The following TACC1 variants were observed in gnomAD, a reference collection of about 807,000 sequenced individuals.
TACC1 encodes the protein transforming acidic coiled-coil containing protein 1, also known as transforming acidic coiled-coil-containing protein 1.
In TACC1, 48 loss-of-function variants were observed where a neutral mutation model predicts 84.4. The observed-to-expected ratio is 0.57, with a 90% CI of 0.45 to 0.72. The LOEUF is 0.72. TACC1 is among the 30% of genes least tolerant of loss of function. The probability of loss-of-function intolerance (pLI) is 0.00; values close to 1 mark genes in which losing one functional copy is unlikely to be tolerated. For synonymous variants in TACC1, 372 were observed against 376.3 expected (o/e 0.99, Z 0.13); for missense variants, 920 against 973.0 (o/e 0.95, Z 0.72).
chr8:38,842,525 T>TG, intron 10 of TACC1, 78 bp downstream of exon 10: 1 of 1,443,790 alleles, frequency 6.9e-7, no homozygotes, highest in Non-Finnish European at 9.4e-7. Flanking sequence ...CAAATACATA[T>TG]GCCAGAGGTT....
At chr8:38,730,737 C>CT (rs1202979659) in intron 1 of TACC1, among the ~76,000 whole-genome samples, 2 of 152,156 alleles carry the variant, frequency 1.3e-5, no homozygotes, top group Non-Finnish European at 2.9e-5. Context: ...GTGAGTGTGG[C>CT]TTTTTCGTAT....
chr8:38,785,896 C>T (rs1284527443), upstream of TACC1: 1 of 194,860 alleles, frequency 5.1e-6, no homozygotes, highest in African/African-American at 2.4e-5. Context: ...GACACCCCAC[C>T]CCTTTCTTTT....
chr8:38,817,941 A>C (rs894583310), intron 2 of TACC1, among the ~76,000 whole-genome samples: 23 of 148,550 alleles, frequency 1.5e-4, no homozygotes, highest in African/African-American at 5.5e-4. Context: ...AAAAAAAAAA[A>C]AAAAAACAGG....
chr8:38,772,021 GAA>G (rs900439072), intron 3 of TACC1, among the ~76,000 whole-genome samples: 1 of 141,376 alleles, frequency 7.1e-6, no homozygotes, highest in Non-Finnish European at 1.6e-5. Flanking sequence ...ATGAAAGAAA[GAA>G]AAAGAGAGAG....
chr8:38,761,828 A>G (rs1468053657), intron 3 of TACC1, among the ~76,000 whole-genome samples: 4 of 152,220 alleles, frequency 2.6e-5, no homozygotes. Context: ...TGTGGAGAAG[A>G]CCCAGAGCAA....
chr8:38,846,871 C>G (rs1379001198), intron 12 of TACC1, 52 bp downstream of exon 12: 3 of 1,602,252 alleles, frequency 1.9e-6, no homozygotes. Context: ...GGTTTTCCTC[C>G]TCAGCAGTGA....
At chr8:38,731,772 C>CAAAAT (rs1331324871) in intron 1 of TACC1, among the ~76,000 whole-genome samples, 12,322 of 127,692 alleles carry the variant, frequency 0.096, 573 homozygotes, top group South Asian at 0.14. Flanking sequence ...AACAACAAAA[C>CAAAAT]TAGTCTTTAG....
intron 2 of TACC1, among the ~76,000 whole-genome samples, chr8:38,816,591 C>A (rs1825487897): frequency 6.6e-6 from 1 of 152,184 alleles, no homozygotes; most frequent in African/African-American, 2.4e-5. Flanking sequence ...TTTGCTAGAA[C>A]AACTCACAGA....
intron 8 of TACC1, among the ~76,000 whole-genome samples, chr8:38,839,085 C>T (rs919245932): frequency 6.6e-6 from 1 of 152,074 alleles, no homozygotes; most frequent in Admixed American, 6.5e-5. Context: ...GATGAGGTCT[C>T]GCTCTGTTGC....
chr8:38,785,639 C>A (rs552149391), upstream of TACC1: 50 of 955,254 alleles, frequency 5.2e-5, no homozygotes, highest in Admixed American at 6.2e-5. Flanking sequence ...CTAGTGTATG[C>A]TAGTTACTGA....
rs760485408 is a variant in TACC1, at chr8:38,787,752, A to C, written c.161+9A>C. ...AAATCCTTGAGTTTCAGGCAAGTACACGGCGTCCCCGCTGAGATGCAGACG... is the reference window on the plus strand; with the variant it reads ...AAATCCTTGAGTTTCAGGCAAGTACCCGGCGTCCCCGCTGAGATGCAGACG... On this transcript the variant is annotated intron_variant, in intron 1 of 12. Transcript: ENST00000317827. 2 of 1,520,996 alleles carry C rather than the reference A, an allele frequency of 1.3e-6. No homozygotes were observed. 94.2% of individuals were successfully genotyped at this position (1,520,996 alleles called of 1,614,324 possible).
In TACC1 at chr8:38,849,933, A is replaced by AATTTTGC. The variant is rs1458358652; in HGVS notation, c.*1919_*1925dup. 1 of 152,610 alleles carries AATTTTGC rather than the reference A, an allele frequency of 6.6e-6. No homozygotes were observed. Among genetic ancestry groups the AATTTTGC allele is most frequent in the African/African-American group, 2.4e-5 (1 of 41,446 alleles). The allele number at this position is 152,610 out of a possible 1,614,324, so 9.5% of individuals were successfully genotyped here. ...TTAGTCCTCTACTGCTAAATAAGTT[A>AATTTTGC]ATTTTGCATTTTGCAGAAAGAAACA... On this transcript the variant is annotated 3_prime_UTR_variant, in exon 13 of 13. Coordinates refer to ENST00000317827, the MANE Select transcript of TACC1 (RefSeq NM_006283.3).
intron 9 of TACC1, 129 bp downstream of exon 9, chr8:38,840,396 C>A: frequency 1.3e-6 from 1 of 789,338 alleles, no homozygotes; most frequent in Non-Finnish European, 2.0e-6. Flanking sequence ...GCTCTGGAGA[C>A]AGGAGAGTTC....
intron 1 of TACC1, among the ~76,000 whole-genome samples, chr8:38,734,906 G>A (rs1331100706): frequency 1.3e-5 from 2 of 152,256 alleles, no homozygotes; most frequent in Non-Finnish European, 2.9e-5. Context: ...CTCCAGGGCC[G>A]GTCTGGTTTT....
chr8:38,742,413 A>G, exon 2 of TACC1: 3 of 1,528,124 alleles, frequency 2.0e-6, no homozygotes, highest in Non-Finnish European at 2.6e-6. Flanking sequence ...TTACTCTTCC[A>G]AGTACACTGA....
chr8:38,729,591 G>A (rs575901707), intron 1 of TACC1, among the ~76,000 whole-genome samples: 11 of 152,134 alleles, frequency 7.2e-5, no homozygotes, highest in Admixed American at 1.3e-4. Context: ...TTGTGTGGCC[G>A]GGCGCGGTGG....
At chr8:38,842,652 T>C (rs1377170361) in intron 10 of TACC1, among the ~76,000 whole-genome samples, 1 of 152,244 alleles carries the variant, frequency 6.6e-6, no homozygotes, top group Admixed American at 6.5e-5. Flanking sequence ...TCTGGCCCAC[T>C]GGGTGCCATG....
intron 1 of TACC1, among the ~76,000 whole-genome samples, chr8:38,729,169 G>A (rs981700822): frequency 1.3e-5 from 2 of 152,128 alleles, no homozygotes; most frequent in East Asian, 1.9e-4. Context: ...CGGGACCTGG[G>A]CCATGTATTC....
intron 12 of TACC1, 46 bp from the exon 13 acceptor site, chr8:38,847,909 T>C (rs1476637501): frequency 1.3e-6 from 2 of 1,549,694 alleles, no homozygotes; most frequent in Non-Finnish European, 1.8e-6. Context: ...TTGCCTTTAT[T>C]TCAGAATACA....
Sources: allele counts gnomAD v4.1 joint callset (sites outside exome capture counted in the v4.1 genomes callset), GRCh38; gene constraint gnomAD v4.1.1; transcripts MANE v1.5; gene names NCBI Gene and HGNC (gene_info 2026-07-23, HGNC 2026-07-21).